Variants in SYVN1 observed in about 807,000 individuals in gnomAD.
The protein encoded by SYVN1 is synoviolin 1.
A neutral mutation model predicts 62.6 loss-of-function variants in SYVN1; 17 were observed. That is an observed-to-expected ratio of 0.27 (90% CI 0.19 to 0.41). SYVN1 has a LOEUF of 0.41. Ranked by LOEUF, SYVN1 falls within the 10% of genes least tolerant of loss-of-function variation. The pLI is 1.00. For missense variants in SYVN1, 634 were observed against 818.0 expected, an observed-to-expected ratio of 0.78 and a Z score of 2.74; for synonymous variants, 316 against 304.0, an observed-to-expected ratio of 1.04 and a Z score of -0.41.
Position 65,133,148 on chromosome 11 carries a change from C to G in SYVN1, c.225+12G>C, listed in dbSNP as rs1480081720. The stretch of plus-strand genomic sequence containing the variant: ...CACCCTGCCCTCACCTTTGGGGCAG[C>G]CGACATCTTACCTCCATCTCTGCTG... On this transcript the variant is annotated intron_variant, in intron 3 of 15. Coordinates refer to ENST00000377190, the MANE Select transcript of SYVN1 (RefSeq NM_172230.3). 6.2e-7 allele frequency: 1 copy of G among 1,614,164 alleles called. No individual in the cohort carries two copies. Among genetic ancestry groups the G allele is most frequent in the Admixed American group, 1.7e-5 (1 of 60,024 alleles).
chr11:65,132,446 T>C, intron 5 of SYVN1, 95 bp from the exon 6 acceptor site: 2 of 895,952 alleles, frequency 2.2e-6, no homozygotes, highest in South Asian at 2.9e-5. Flanking sequence ...AAGCCCACCA[T>C]GGCCCCAGCG....
In SYVN1 at chr11:65,129,814, G is replaced by T; in HGVS notation, c.1510C>A (p.Leu504Met). ...GTGTGGATGTTACGCAGGCTCTGCAGCCGGGCCTCCAGGTGCTGCCGCTCA... is the reference window on the plus strand; with the variant it reads ...GTGTGGATGTTACGCAGGCTCTGCATCCGGGCCTCCAGGTGCTGCCGCTCA... ...GHERQHLEAR[L>M]QSLRNIHTLL... Residue 504 changes from leucine to methionine, a missense_variant, in exon 14 of 16, where the codon CTG becomes ATG. Physicochemically the swap from Leu to Met is conservative, Grantham distance 15 (BLOSUM62 2). Coordinates refer to ENST00000377190, the MANE Select transcript of SYVN1 (RefSeq NM_172230.3). 1 of 1,614,244 alleles carries T rather than the reference G, an allele frequency of 6.2e-7. No homozygotes were observed. Among genetic ancestry groups the T allele is most frequent in the Non-Finnish European group, 8.5e-7 (1 of 1,180,054 alleles).
rs773116602 is a variant in SYVN1 at position 65,128,353 on chromosome 11, G to C, written c.*29C>G. 1.1e-4 allele frequency: 177 copies of C among 1,581,984 alleles called. No homozygotes were observed. The highest frequency in any genetic ancestry group is 2.6e-5 in the Non-Finnish European group (30 of 1,157,870). On this transcript the variant is annotated 3_prime_UTR_variant, in exon 16 of 16. Transcript: ENST00000377190. The stretch of plus-strand genomic sequence containing the variant: ...GTTCCAGCGAGGGCTGCTCAAAAGA[G>C]CAGAGGCTGGGGCTGGGCTGGGGCA...
intron 5 of SYVN1, 35 bp downstream of exon 5, chr11:65,132,680 GTCCACGGTTCACGTTCC>G: frequency 1.3e-6 from 2 of 1,590,788 alleles, no homozygotes; most frequent in Non-Finnish European, 1.7e-6. Flanking sequence ...TGGAGTACAG[GTCCACGGTTCACGTTCC>G]AGTCCTCCCT....
rs779808259 is a variant in SYVN1, at chr11:65,131,330, C to T, written c.702G>A (p.Met234Ile). 19 of 1,613,924 alleles carry T rather than the reference C, an allele frequency of 1.2e-5. No individual in the cohort carries two copies. The highest frequency in any genetic ancestry group is 1.1e-5 in the Non-Finnish European group (13 of 1,180,016). The change falls in exon 8 of 16, where the codon ATG becomes ATA. Residue 234 changes from methionine (M) to isoleucine (I), a missense_variant. Around this residue, in one of 2 missense-constraint regions of SYVN1, gnomAD observed 283 missense variants for 444.7 expected, o/e 0.64. Coordinates refer to ENST00000377190, the MANE Select transcript of SYVN1 (RefSeq NM_172230.3). ...VLLYMAFMTI[M>I]IKVHTFPLFA... is the part of the protein sequence containing the mutation. ...AGAGTGGGAAGGTGTGCACCTTGAT[C>T]ATGATGGTCATGAAGGCCATGTACA...
Position 65,134,463 on chromosome 11 carries a change from C to G in SYVN1, c.-25G>C, listed in dbSNP as rs896731728. On this transcript the variant is annotated 5_prime_UTR_variant, in exon 1 of 16. Coordinates refer to ENST00000377190, the MANE Select transcript of SYVN1 (RefSeq NM_172230.3). ...AGACTTCGCCCCACTCACCAGGAAC[C>G]CAGCGCCGCGAGCCCGCTCAATCCG... 2 of 152,790 alleles carry G rather than the reference C, an allele frequency of 1.3e-5. No individual in the cohort carries two copies. Among genetic ancestry groups the G allele is most frequent in the Admixed American group, 1.3e-4 (2 of 15,294 alleles). 9.5% of individuals were successfully genotyped at this position (152,790 alleles called of 1,614,324 possible).
chr11:65,130,635 G>T, intron 11 of SYVN1, 25 bp downstream of exon 11: 1 of 1,500,502 alleles, frequency 6.7e-7, no homozygotes, highest in African/African-American at 1.4e-5. Flanking sequence ...TGGTATGCCG[G>T]GTGGCCAGAC....
chr11:65,134,373 G>A (rs1206967682), intron 1 of SYVN1, 83 bp downstream of exon 1: 2 of 152,758 alleles, frequency 1.3e-5, no homozygotes, highest in African/African-American at 2.4e-5. Flanking sequence ...GGGGCTGAGG[G>A]GCGTGCCGAC....
intron 14 of SYVN1, chr11:65,129,168 G>A (rs1948142738): frequency 5.7e-6 from 1 of 175,272 alleles, no homozygotes; most frequent in Non-Finnish European, 1.2e-5. Context: ...ATAGCTCACT[G>A]CACCCTCAAA....
intron 11 of SYVN1, 73 bp from the exon 12 acceptor site, chr11:65,130,452 T>A: frequency 6.8e-7 from 1 of 1,459,884 alleles, no homozygotes; most frequent in African/African-American, 1.4e-5. Flanking sequence ...GGGGCCTGGC[T>A]ATTGAGAGCT....
At position 65,131,552 on chromosome 11, in the gene SYVN1, A is replaced by G. The variant is rs199590216; in HGVS notation, c.576T>C (p.Tyr192=). The change falls in exon 7 of 16, where the codon TAT becomes TAC. Residue 192 remains tyrosine (Y), a synonymous_variant. Transcript: ENST00000377190. ...TCTGGAGGTCCACGGAGTGCAGCAC[A>G]TACTTGATGAAGATGGTGAGCACCA... ...MTMVLTIFIK[Y]VLHSVDLQSE... is the part of the protein sequence containing the mutation. The G allele has an allele frequency of 1.9e-6, 3 of 1,614,042 alleles. No homozygotes were observed. The Admixed American group carries it at 5.0e-5, about 27-fold the overall frequency.
intron 14 of SYVN1, 60 bp downstream of exon 14, chr11:65,129,669 C>A (rs1036303695): frequency 1.9e-6 from 3 of 1,549,820 alleles, no homozygotes; most frequent in Middle Eastern, 1.9e-4. Flanking sequence ...TGCTGGGGAC[C>A]TCTTGGCAGC....
rs745916780 is a variant in SYVN1 at position 65,128,354 on chromosome 11, C to CA, written c.*27dup. ...TTCCAGCGAGGGCTGCTCAAAAGAG[C>CA]AGAGGCTGGGGCTGGGCTGGGGCAG... On this transcript the variant is annotated 3_prime_UTR_variant, in exon 16 of 16. Transcript: ENST00000377190. 44 of 1,585,580 alleles carry CA rather than the reference C, an allele frequency of 2.8e-5. No homozygotes were observed. The highest frequency in any genetic ancestry group is 3.7e-5 in the Non-Finnish European group (43 of 1,160,900).
rs1173954643 is a variant in SYVN1 at position 65,130,026 on chromosome 11, C to T, written c.1384G>A (p.Gly462Ser). 1.9e-5 allele frequency: 31 copies of T among 1,599,500 alleles called. No homozygotes were observed. The highest frequency in any genetic ancestry group is 2.6e-5 in the Non-Finnish European group (31 of 1,171,618). The stretch of plus-strand genomic sequence containing the variant: ...CCAAAGGGTGGAGGCAGGGGCATAC[C>T]CATCCAGGGAGGAGGGAAGGGGAAA... ...PGFPFPPPWM[G>S]MPLPPPFAFP... The change falls in exon 13 of 16, where the codon GGT (glycine) becomes AGT (serine). Residue 462 changes from glycine (G) to serine (S), a missense_variant. By Grantham distance (56) the Gly-to-Ser change is moderately conservative (BLOSUM62 0). Around this residue, in one of 2 missense-constraint regions of SYVN1, gnomAD observed 351 missense variants for 373.3 expected, o/e 0.94. Coordinates refer to ENST00000377190, the MANE Select transcript of SYVN1 (RefSeq NM_172230.3).
At chr11:65,129,643 A>G (rs1948148498) in intron 14 of SYVN1, 86 bp downstream of exon 14, 9 of 1,391,270 alleles carry the variant, frequency 6.5e-6, no homozygotes, top group Non-Finnish European at 9.0e-6. Context: ...GGCAGGTGTC[A>G]AAGGCCAAGA....
intron 5 of SYVN1, 172 bp downstream of exon 5, chr11:65,132,560 G>T (rs1371362569): frequency 1.1e-6 from 1 of 877,646 alleles, no homozygotes. Context: ...AAGGCAAAGG[G>T]CTGAGGGCCC....
In SYVN1 at chr11:65,130,396, G is replaced by C. The variant is rs763943098; in HGVS notation, c.1106-17C>G. 6.6e-7 allele frequency: 1 copy of C among 1,519,440 alleles called. No individual in the cohort carries two copies. Among genetic ancestry groups the C allele is most frequent in the East Asian group, 2.3e-5 (1 of 43,954 alleles). 94.1% of individuals were successfully genotyped at this position (1,519,440 alleles called of 1,614,324 possible). A position where few individuals can be genotyped will look rare whatever the true frequency, so the allele number is the denominator to read the frequency against. On this transcript the variant is annotated splice_polypyrimidine_tract_variant and intron_variant, in intron 11 of 15. Transcript: ENST00000377190. Reference sequence around the variant, plus strand: ...CCTGGGGGACTGCAGAGAGAAGACGGAGGTAAGGAAAGGGCCAAATGGACA... The same window carrying C: ...CCTGGGGGACTGCAGAGAGAAGACGCAGGTAAGGAAAGGGCCAAATGGACA...
rs1948160511 is a variant in SYVN1 at position 65,130,290 on chromosome 11, T to C, written c.1195A>G (p.Ser399Gly). The change falls in exon 12 of 16, where the codon AGC (serine) becomes GGC (glycine). Residue 399 changes from serine to glycine, a missense_variant. Physicochemically the swap from Ser to Gly is moderately conservative, Grantham distance 56 (BLOSUM62 0). Coordinates refer to ENST00000377190, the MANE Select transcript of SYVN1 (RefSeq NM_172230.3). Reference sequence around the variant, plus strand: ...GGAGGAGCCACAGCCTCTCCTGAGCTGGGGGGAGGCGGGACAGGTGGAAAG... The same window carrying C: ...GGAGGAGCCACAGCCTCTCCTGAGCCGGGGGGAGGCGGGACAGGTGGAAAG... ...GPFPPVPPPPSSGEAVAPPST... is the reference protein window; with the variant it reads ...GPFPPVPPPPGSGEAVAPPST... 6.3e-7 allele frequency: 1 copy of C among 1,598,336 alleles called. No individual in the cohort carries two copies.
chr11:65,134,109 CG>C (rs1948216686), intron 1 of SYVN1: 1 of 153,710 alleles, frequency 6.5e-6, no homozygotes, highest in Admixed American at 6.5e-5. Context: ...GCCCGCCCTG[CG>C]GGAGCGGGCG....
Sources: allele counts gnomAD v4.1 joint callset, GRCh38; gene constraint gnomAD v4.1.1; regional missense constraint gnomAD v4.1.1; transcripts MANE v1.5; gene names NCBI Gene and HGNC (gene_info 2026-07-23, HGNC 2026-07-21).